Variants in CDH13 observed in about 807,000 individuals in gnomAD.
CDH13 encodes cadherin 13.
Under a neutral mutation model 63.8 loss-of-function variants are expected in CDH13, and 24 were observed. That is an observed-to-expected ratio of 0.38 (90% CI 0.27 to 0.53). The LOEUF (loss-of-function observed/expected upper bound fraction) is 0.53, where lower values mean the gene tolerates loss of function less well. Among genes scored for constraint, CDH13 ranks in the 20% least tolerant of loss-of-function variants. The pLI is 0.85. For synonymous variants in CDH13, 503 were observed against 355.3 expected (o/e 1.42, Z -4.67); for missense variants, 1,049 against 903.1 (o/e 1.16, Z -2.07).
chr16:82,685,287 G>A (rs1177700966), intron 1 of CDH13, among the ~76,000 whole-genome samples: 2 of 152,182 alleles, frequency 1.3e-5, no homozygotes, highest in Non-Finnish European at 1.5e-5. Flanking sequence ...GTCTGGTGAG[G>A]TCCCGCTTTC....
chr16:83,795,244 G>C lies in CDH13; in HGVS notation c.*214G>C. On this transcript the variant is annotated 3_prime_UTR_variant, in exon 14 of 14. Transcript: ENST00000567109. ...CCTCCTTTAATTAATGGAATCTTCT[G>C]AATTTTCCCTGAATGTTTAAAGATC... 1 of 535,018 alleles carries C rather than the reference G, an allele frequency of 1.9e-6. No individual in the cohort carries two copies. Among genetic ancestry groups the C allele is most frequent in the South Asian group, 2.5e-5 (1 of 39,412 alleles). The allele number at this position is 535,018 out of a possible 1,614,324, so 33.1% of individuals were successfully genotyped here.
At chr16:82,807,297 G>A (rs1397188890) in intron 1 of CDH13, among the ~76,000 whole-genome samples, 2 of 152,120 alleles carry the variant, frequency 1.3e-5, no homozygotes, top group African/African-American at 2.4e-5. Context: ...AGACAAAAAG[G>A]AGTTGAAATT....
chr16:82,799,904 T>G (rs1324249888), intron 1 of CDH13, among the ~76,000 whole-genome samples: 2 of 152,184 alleles, frequency 1.3e-5, no homozygotes, highest in Non-Finnish European at 2.9e-5. Context: ...GCTGTCAGAA[T>G]TGGACAACGT....
chr16:83,626,010 T>TC lies in CDH13; in HGVS notation c.1101+23417dup, dbSNP rs1027012509. Among the ~76,000 whole-genome samples the TC allele has an allele frequency of 4.9e-5, 7 of 143,678 alleles. No individual in the cohort carries two copies. The South Asian group carries it at 8.8e-4, about 18-fold the overall frequency. 94.3% of individuals were successfully genotyped at this position (143,678 alleles called of 152,430 possible). On this transcript the variant is annotated intron_variant, in intron 8 of 13. Coordinates refer to ENST00000567109, the MANE Select transcript of CDH13 (RefSeq NM_001257.5). Reference sequence around the variant, plus strand: ...TAAAACGTGAGGAAACAAGCTTGCTTCTTTTTTTTTTTTTTTTCAAAGCAG... The same window carrying TC: ...TAAAACGTGAGGAAACAAGCTTGCTTCCTTTTTTTTTTTTTTTTCAAAGCAG...
chr16:83,643,672 A>G (rs1246616491), intron 8 of CDH13, among the ~76,000 whole-genome samples: 3 of 152,142 alleles, frequency 2.0e-5, no homozygotes, highest in African/African-American at 4.8e-5. Flanking sequence ...AAACTCCATA[A>G]TGTTTAGTAA....
intron 9 of CDH13, among the ~76,000 whole-genome samples, chr16:83,676,156 C>T (rs754032653): frequency 1.6e-4 from 24 of 152,168 alleles, no homozygotes; most frequent in Non-Finnish European, 2.6e-4. Context: ...AGGAGCTGAG[C>T]GGCACAAATT....
chr16:83,035,227 T>A (rs1177460288), intron 3 of CDH13, among the ~76,000 whole-genome samples: 1 of 152,168 alleles, frequency 6.6e-6, no homozygotes, highest in Non-Finnish European at 1.5e-5. Context: ...GTGGGCCAGC[T>A]GCTAGAGAAG....
At chr16:82,771,583 A>G (rs2035268065) in intron 1 of CDH13, among the ~76,000 whole-genome samples, 1 of 152,184 alleles carries the variant, frequency 6.6e-6, no homozygotes, top group South Asian at 2.1e-4. Context: ...AGGCTCGGAG[A>G]GTTTCAGTAA....
chr16:83,556,769 T>C (rs2075611048), intron 7 of CDH13, among the ~76,000 whole-genome samples: 1 of 152,214 alleles, frequency 6.6e-6, no homozygotes, highest in African/African-American at 2.4e-5. Flanking sequence ...AATCTTTTCA[T>C]GGGGCACCCC....
intron 4 of CDH13, among the ~76,000 whole-genome samples, chr16:83,199,131 G>T (rs1035924225): frequency 2.0e-5 from 3 of 152,324 alleles, no homozygotes; most frequent in African/African-American, 7.2e-5. Context: ...CTGGAGCTGG[G>T]CTTGGATTCA....
At chr16:83,444,864 C>G (rs1435529356) in intron 6 of CDH13, among the ~76,000 whole-genome samples, 4 of 282 alleles carry the variant, frequency 0.014, no homozygotes, top group African/African-American at 0.02. Context: ...ATCAGCAAAT[C>G]AGCGCTTTCC....
At chr16:82,648,874 A>G (rs1910407674) in intron 1 of CDH13, among the ~76,000 whole-genome samples, 1 of 152,226 alleles carries the variant, frequency 6.6e-6, no homozygotes, top group African/African-American at 2.4e-5. Flanking sequence ...GGCAGTGTGG[A>G]AGATGGATTG....
chr16:83,531,210 TTGTC>T (rs1328091116), intron 7 of CDH13, among the ~76,000 whole-genome samples: 1 of 152,216 alleles, frequency 6.6e-6, no homozygotes, highest in Non-Finnish European at 1.5e-5. Context: ...AATCTTGACT[TTGTC>T]TGTTTACATG....
chr16:83,115,702 CTGCAA>C (rs2035260640), intron 3 of CDH13, among the ~76,000 whole-genome samples: 2 of 152,246 alleles, frequency 1.3e-5, no homozygotes, highest in Admixed American at 6.5e-5. Flanking sequence ...ATTTCAGCTT[CTGCAA>C]TGCTTTGCCT....
chr16:83,236,032 C>T (rs565642236), intron 5 of CDH13, among the ~76,000 whole-genome samples: 87 of 152,226 alleles, frequency 5.7e-4, no homozygotes, highest in African/African-American at 2.0e-3. Flanking sequence ...CATTTAAATG[C>T]GTTTAAGATA....
intron 5 of CDH13, among the ~76,000 whole-genome samples, chr16:83,250,564 T>C (rs1301327237): frequency 4.6e-5 from 7 of 152,134 alleles, no homozygotes; most frequent in Non-Finnish European, 1.0e-4. Context: ...TGCAGAGGTA[T>C]GCACTGAGAC....
At chr16:82,901,626 G>C (rs974941150) in intron 2 of CDH13, among the ~76,000 whole-genome samples, 4 of 152,200 alleles carry the variant, frequency 2.6e-5, no homozygotes, top group African/African-American at 9.7e-5. Context: ...ATATTTTTCA[G>C]TAAGGAATAA....
intron 3 of CDH13, among the ~76,000 whole-genome samples, chr16:83,069,179 C>A (rs1001410878): frequency 6.6e-6 from 1 of 152,088 alleles, no homozygotes; most frequent in African/African-American, 2.4e-5. Flanking sequence ...TTTGTCAATG[C>A]GCATTTTCCA....
intron 7 of CDH13, among the ~76,000 whole-genome samples, chr16:83,596,896 C>G (rs17759978): frequency 0.13 from 19,247 of 152,120 alleles, 1,452 homozygotes; most frequent in Middle Eastern, 0.28. Context: ...CATAACAGGC[C>G]AATAAACTTT....
Sources: gnomAD v4.1 joint callset for allele counts (sites outside exome capture counted in the v4.1 genomes callset) on GRCh38, gnomAD v4.1.1 for gene constraint, MANE v1.5 for transcripts, NCBI Gene and HGNC (gene_info 2026-07-23, HGNC 2026-07-21) for gene names.